Variants in GALNT17 observed in about 807,000 individuals in gnomAD.
The protein encoded by GALNT17 is polypeptide N-acetylgalactosaminyltransferase 17.
A neutral mutation model predicts 63.7 loss-of-function variants in GALNT17; 29 were observed. That is an observed-to-expected ratio of 0.46 (90% confidence interval 0.34 to 0.62). GALNT17 has a LOEUF of 0.62. GALNT17 is among the 20% of genes least tolerant of loss of function. The probability of loss-of-function intolerance (pLI) is 0.01; values close to 1 mark genes in which losing one functional copy is unlikely to be tolerated. For synonymous variants in GALNT17, 305 were observed against 318.3 expected (o/e 0.96, Z 0.45); for missense variants, 603 against 799.6 (o/e 0.75, Z 2.97).
chr7:71,498,194 G>C (rs1788126280), intron 5 of GALNT17, among the ~76,000 whole-genome samples: 1 of 152,080 alleles, frequency 6.6e-6, no homozygotes, highest in African/African-American at 2.4e-5. Flanking sequence ...AGAGAAAGAG[G>C]GCTGGGCACA....
rs115090105 is a variant in GALNT17, at chr7:71,224,298, C to T, written c.238+91258C>T. On this transcript the variant is annotated intron_variant, in intron 1 of 10. Coordinates refer to ENST00000333538, the MANE Select transcript of GALNT17 (RefSeq NM_022479.3). ...GACCTCAAGGGATCCTTCGCCTTGT[C>T]CTCCCAAAGTTTCGGGATTACAGGC... Among the ~76,000 whole-genome samples, 415 of 152,268 alleles carry T rather than the reference C, an allele frequency of 2.7e-3. 4 individuals carry two copies. Among genetic ancestry groups the T allele is most frequent in the African/African-American group, 9.6e-3 (398 of 41,560 alleles).
chr7:71,452,437 TCAG>T (rs1200846789), intron 5 of GALNT17, among the ~76,000 whole-genome samples: 1 of 151,986 alleles, frequency 6.6e-6, no homozygotes, highest in Non-Finnish European at 1.5e-5. Context: ...TCCCAGCTAC[TCAG>T]GAGGCTGAGG....
Position 71,669,992 on chromosome 7 carries a change from T to C in GALNT17, c.1287T>C (p.Gly429=). ...TTCAGAATCCGGGAATTGACATCGG[T>C]GATGTCTCCGAAAGAAGAGCATTAA... The part of the protein sequence containing the change: ...LPLENPGIDI[G]DVSERRALRK... The change falls in exon 8 of 11, where the codon GGT becomes GGC. Residue 429 remains glycine (G), a synonymous_variant. Transcript: ENST00000333538. The C allele has an allele frequency of 6.2e-7, 1 of 1,614,108 alleles. No homozygotes were observed.
At position 71,369,586 on chromosome 7, in the gene GALNT17, G is replaced by A. The variant is rs570431905; in HGVS notation, c.423-18649G>A. Among the ~76,000 whole-genome samples, 6 of 152,102 alleles carry A rather than the reference G, an allele frequency of 3.9e-5. No individual in the cohort carries two copies. In the East Asian group the frequency reaches 1.2e-3, roughly 29 times the overall value. The stretch of plus-strand genomic sequence containing the variant: ...CCAGCACTTTGGGAGGCAGAGGTAG[G>A]CGGATCACTTGAGTTCTAGAGTTCG... On this transcript the variant is annotated intron_variant, in intron 2 of 10. Coordinates refer to ENST00000333538, the MANE Select transcript of GALNT17 (RefSeq NM_022479.3).
At chr7:71,377,114 A>AAAAATATATATATATATATAT in intron 2 of GALNT17, among the ~76,000 whole-genome samples, 2 of 57,482 alleles carry the variant, frequency 3.5e-5, no homozygotes, top group African/African-American at 9.4e-5. Flanking sequence ...AAATAAAAAA[A>AAAAATATATATATATATATAT]ATATATATAT....
At chr7:71,195,011 C>T (rs1263561349) in intron 1 of GALNT17, among the ~76,000 whole-genome samples, 1 of 152,084 alleles carries the variant, frequency 6.6e-6, no homozygotes, top group East Asian at 1.9e-4. Flanking sequence ...TAGCTTTGGC[C>T]AGGGGTTGAT....
At chr7:71,569,820 G>A (rs1433225955) in intron 5 of GALNT17, among the ~76,000 whole-genome samples, 1 of 152,054 alleles carries the variant, frequency 6.6e-6, no homozygotes, top group Non-Finnish European at 1.5e-5. Context: ...TTGCTATTGT[G>A]AATATTGCTG....
At chr7:71,507,832 A>C (rs1788291677) in intron 5 of GALNT17, among the ~76,000 whole-genome samples, 2 of 152,180 alleles carry the variant, frequency 1.3e-5, no homozygotes, top group South Asian at 4.1e-4. Context: ...TGATAAGCCT[A>C]ATTGTTTTAA....
At chr7:71,697,397 A>G (rs1791561126) in intron 9 of GALNT17, among the ~76,000 whole-genome samples, 1 of 152,120 alleles carries the variant, frequency 6.6e-6, no homozygotes, top group African/African-American at 2.4e-5. Flanking sequence ...AGAGGCAGGA[A>G]TCGGAGGACA....
At position 71,322,343 on chromosome 7, in the gene GALNT17, T is replaced by G. The variant is rs1401594876; in HGVS notation, c.239-13207T>G. On this transcript the variant is annotated intron_variant, in intron 1 of 10. Coordinates refer to ENST00000333538, the MANE Select transcript of GALNT17 (RefSeq NM_022479.3). ...AGAGCAATTCCAGGAAGTATAAAGT[T>G]CATAATACATGTAAGACATGTCATT... Among the ~76,000 whole-genome samples the G allele has an allele frequency of 3.9e-5, 6 of 152,180 alleles. No homozygotes were observed. In the East Asian group the frequency reaches 1.2e-3, roughly 29 times the overall value.
intron 3 of GALNT17, among the ~76,000 whole-genome samples, chr7:71,390,362 G>C (rs936630041): frequency 4.5e-4 from 68 of 152,144 alleles, no homozygotes; most frequent in African/African-American, 1.6e-3. Context: ...CTCTTCTGAA[G>C]GGCTTGGGTG....
intron 1 of GALNT17, among the ~76,000 whole-genome samples, chr7:71,188,984 G>GAAA (rs1242136302): frequency 3.3e-5 from 5 of 152,168 alleles, no homozygotes; most frequent in African/African-American, 9.7e-5. Flanking sequence ...AAGAAAAAAT[G>GAAA]AGGTTTCAAA....
chr7:71,245,119 G>A (rs1384727031), intron 1 of GALNT17, among the ~76,000 whole-genome samples: 1 of 152,088 alleles, frequency 6.6e-6, no homozygotes, highest in East Asian at 1.9e-4. Flanking sequence ...TGGATAATAA[G>A]TGGTTGAAAT....
At chr7:71,511,038 C>T (rs932567413) in intron 5 of GALNT17, among the ~76,000 whole-genome samples, 16 of 151,972 alleles carry the variant, frequency 1.1e-4, no homozygotes, top group African/African-American at 3.6e-4. Context: ...TAGAATTAGC[C>T]AGGCATGGTG....
chr7:71,594,528 G>A (rs903333219), intron 6 of GALNT17, among the ~76,000 whole-genome samples: 12 of 152,064 alleles, frequency 7.9e-5, no homozygotes, highest in African/African-American at 2.9e-4. Context: ...GAGCTCAAGT[G>A]ATCCGCCCAC....
intron 5 of GALNT17, among the ~76,000 whole-genome samples, chr7:71,497,213 CCTT>C (rs1353035206): frequency 1.3e-5 from 2 of 152,222 alleles, no homozygotes; most frequent in Admixed American, 6.5e-5. Flanking sequence ...AATGAGCTGA[CCTT>C]CTTCTGTGCA....
At chr7:71,408,161 T>C (rs940852151) in intron 3 of GALNT17, among the ~76,000 whole-genome samples, 4 of 152,216 alleles carry the variant, frequency 2.6e-5, no homozygotes, top group African/African-American at 9.6e-5. Flanking sequence ...TAAGGCCCAC[T>C]GAATTAGGGA....
chr7:71,520,794 G>A (rs1385783341), intron 5 of GALNT17, among the ~76,000 whole-genome samples: 2 of 152,144 alleles, frequency 1.3e-5, no homozygotes, highest in African/African-American at 2.4e-5. Flanking sequence ...CAAGCATATG[G>A]CAGGAGGGGA....
At chr7:71,587,347 G>T (rs192595240) in intron 6 of GALNT17, among the ~76,000 whole-genome samples, 33 of 152,244 alleles carry the variant, frequency 2.2e-4, no homozygotes, top group Non-Finnish European at 7.4e-5. Context: ...CCCTTTGAAG[G>T]GGGGTACTTC....
Sources: gnomAD v4.1 joint callset for allele counts (sites outside exome capture counted in the v4.1 genomes callset) on GRCh38, gnomAD v4.1.1 for gene constraint, MANE v1.5 for transcripts, NCBI Gene and HGNC (gene_info 2026-07-23, HGNC 2026-07-21) for gene names.